Variants in ZNF599 observed in about 807,000 individuals in gnomAD.
The protein encoded by ZNF599 is zinc finger protein 599.
Under a neutral mutation model 11.7 loss-of-function variants are expected in ZNF599, and 10 were observed. The ratio of observed to expected loss-of-function variants is 0.86; its 90% CI spans 0.53 to 1.45. The LOEUF is 1.45. Ranked by LOEUF, ZNF599 falls within the 40% of genes most tolerant of loss-of-function variation. The pLI, the probability that ZNF599 is intolerant of heterozygous loss-of-function variation, is 0.00. For missense variants in ZNF599, 688 were observed against 713.6 expected, an observed-to-expected ratio of 0.96 and a Z score of 0.41; for synonymous variants, 232 against 253.2, an observed-to-expected ratio of 0.92 and a Z score of 0.79.
rs200977028 is a variant in ZNF599 at position 34,759,557 on chromosome 19, C to T, written c.1244G>A (p.Arg415Lys). 1.9e-6 allele frequency: 3 copies of T among 1,613,606 alleles called. No homozygotes were observed. Among genetic ancestry groups the T allele is most frequent in the Non-Finnish European group, 2.5e-6 (3 of 1,179,874 alleles). Residue 415 changes from arginine (R) to lysine (K), a missense_variant, in exon 4 of 4, where the codon AGG (arginine) becomes AAG (lysine). Coordinates refer to ENST00000329285, the MANE Select transcript of ZNF599 (RefSeq NM_001007248.3). ...THRSTFIRHK[R>K]THTGEKPFEC... Reference sequence around the variant, plus strand: ...AAAGGGCTTCTCTCCGGTATGGGTCCTCTTATGTCGGATGAAAGTGGAGCG... The same window carrying T: ...AAAGGGCTTCTCTCCGGTATGGGTCTTCTTATGTCGGATGAAAGTGGAGCG...
upstream of ZNF599, among the ~76,000 whole-genome samples, chr19:34,777,925 T>C (rs1464596561): frequency 4.6e-5 from 7 of 152,018 alleles, no homozygotes; most frequent in Admixed American, 1.3e-4. Flanking sequence ...TTAACGATAT[T>C]GTATACTTAA....
chr19:34,800,592 T>TTG, the ZNF599 span, among the ~76,000 whole-genome samples: 1 of 146,370 alleles, frequency 6.8e-6, no homozygotes, highest in South Asian at 2.2e-4. Flanking sequence ...CTTTGTTTTT[T>TTG]TTTTTTTTTT....
At chr19:34,788,824 G>C in the ZNF599 span, 3 of 152,124 alleles carry the variant, frequency 2.0e-5, no homozygotes, top group Non-Finnish European at 4.4e-5. Flanking sequence ...CTTTTTAAAA[G>C]TATTAACAGA....
At chr19:34,791,704 T>C in the ZNF599 span, 2 of 152,214 alleles carry the variant, frequency 1.3e-5, no homozygotes, top group Non-Finnish European at 2.9e-5. Context: ...AAGGACTGTA[T>C]GGATCCCAAG....
chr19:34,784,510 G>A, the ZNF599 span, among the ~76,000 whole-genome samples: 5 of 152,148 alleles, frequency 3.3e-5, no homozygotes, highest in Non-Finnish European at 7.3e-5. Flanking sequence ...GCCCAGTTCC[G>A]ATTTGAAGGC....
At chr19:34,780,196 T>C in the ZNF599 span, among the ~76,000 whole-genome samples, 2 of 152,236 alleles carry the variant, frequency 1.3e-5, no homozygotes, top group South Asian at 4.1e-4. Context: ...TCCAGCCAGG[T>C]GCAAAGTGTC....
chr19:34,796,147 T>G, the ZNF599 span, among the ~76,000 whole-genome samples: 1 of 152,140 alleles, frequency 6.6e-6, no homozygotes, highest in Non-Finnish European at 1.5e-5. Flanking sequence ...AACAATAGCT[T>G]TAAGTCTTCT....
rs575119206 is a variant in ZNF599 at position 34,772,786 on chromosome 19, G to A, written c.18+38C>T. 2.0e-4 allele frequency: 310 copies of A among 1,535,172 alleles called. 1 individual carries two copies. The East Asian group carries it at 6.0e-3, about 30-fold the overall frequency. On this transcript the variant is annotated intron_variant, in intron 1 of 3. Coordinates refer to ENST00000329285, the MANE Select transcript of ZNF599 (RefSeq NM_001007248.3). ...CAGCGGATGGGTGCATGCGGGCGGT[G>A]ACCCGAGCTCGCGCGGGCTGCGGAA...
chr19:34,771,947 A>G (rs1286389750), intron 1 of ZNF599, among the ~76,000 whole-genome samples: 1 of 152,216 alleles, frequency 6.6e-6, no homozygotes, highest in Non-Finnish European at 1.5e-5. Flanking sequence ...GAGACTTTAC[A>G]TGATGCAACC....
intron 3 of ZNF599, chr19:34,763,714 A>G (rs2069125603): frequency 6.6e-6 from 1 of 152,172 alleles, no homozygotes; most frequent in African/African-American, 2.4e-5. Context: ...CTTTTCTAAG[A>G]TTCACTTTCC....
chr19:34,799,219 T>C, the ZNF599 span, among the ~76,000 whole-genome samples: 1 of 152,134 alleles, frequency 6.6e-6, no homozygotes, highest in Non-Finnish European at 1.5e-5. Context: ...CCCAGGCTGG[T>C]CTGGAACTCC....
At chr19:34,781,587 T>A in the ZNF599 span, among the ~76,000 whole-genome samples, 1 of 152,230 alleles carries the variant, frequency 6.6e-6, no homozygotes, top group Non-Finnish European at 1.5e-5. Context: ...TGCGCAGTAG[T>A]AAGACTCTCA....
In ZNF599 at chr19:34,760,380, G is replaced by T; in HGVS notation, c.421C>A (p.Pro141Thr). 1.2e-6 allele frequency: 2 copies of T among 1,614,028 alleles called. No homozygotes were observed. Among genetic ancestry groups the T allele is most frequent in the Non-Finnish European group, 1.7e-6 (2 of 1,179,998 alleles). ...QEGNLRPGTN[P>T]HKEICPEKLS... ...TTCTCAGGGCATATCTCTTTGTGGGGGTTTGTTCCTGGCCTCAAGTTCCCT... is the reference window on the plus strand; with the variant it reads ...TTCTCAGGGCATATCTCTTTGTGGGTGTTTGTTCCTGGCCTCAAGTTCCCT... The change falls in exon 4 of 4, where the codon CCC becomes ACC. Residue 141 changes from proline to threonine, a missense_variant. By Grantham distance (38) the Pro-to-Thr change is conservative. Coordinates refer to ENST00000329285, the MANE Select transcript of ZNF599 (RefSeq NM_001007248.3).
At position 34,759,416 on chromosome 19, in the gene ZNF599, T is replaced by G; in HGVS notation, c.1385A>C (p.His462Pro). 1 of 1,614,134 alleles carries G rather than the reference T, an allele frequency of 6.2e-7. No individual in the cohort carries two copies. The highest frequency in any genetic ancestry group is 8.5e-7 in the Non-Finnish European group (1 of 1,179,974). Residue 462 changes from histidine (H) to proline (P), a missense_variant, in exon 4 of 4, where the codon CAC (histidine) becomes CCC (proline). By Grantham distance (77) the His-to-Pro change is moderately conservative. Transcript: ENST00000329285. ...ATTATGTCGAATAAAAACAGAGTGG[T>G]GTGTAAAAGCCTTTCCACATTCACT... ...ECSECGKAFTHHSVFIRHNRT... is the reference protein window; with the variant it reads ...ECSECGKAFTPHSVFIRHNRT...
At chr19:34,802,295 C>A in the ZNF599 span, among the ~76,000 whole-genome samples, 1 of 152,158 alleles carries the variant, frequency 6.6e-6, no homozygotes, top group African/African-American at 2.4e-5. Flanking sequence ...ATGGGAGAAG[C>A]CTCACCAGGC....
the ZNF599 span, among the ~76,000 whole-genome samples, chr19:34,779,095 C>G: frequency 6.6e-6 from 1 of 152,008 alleles, no homozygotes; most frequent in Non-Finnish European, 1.5e-5. Flanking sequence ...GGCACAACCA[C>G]TTACATTTTT....
At chr19:34,802,241 A>C in the ZNF599 span, among the ~76,000 whole-genome samples, 4 of 152,202 alleles carry the variant, frequency 2.6e-5, no homozygotes, top group Non-Finnish European at 5.9e-5. Flanking sequence ...GGTCAGACTG[A>C]GGAAGCAGCT....
the ZNF599 span, among the ~76,000 whole-genome samples, chr19:34,785,661 C>T: frequency 6.6e-6 from 1 of 152,142 alleles, no homozygotes. Context: ...CTTCCACTTA[C>T]CTGCACTGGA....
chr19:34,795,171 A>G, the ZNF599 span, among the ~76,000 whole-genome samples: 11 of 152,252 alleles, frequency 7.2e-5, no homozygotes, highest in Admixed American at 2.0e-4. Flanking sequence ...GGCCATAGTA[A>G]GAGTAAAAAC....
Sources: gnomAD v4.1 joint callset for allele counts (sites outside exome capture counted in the v4.1 genomes callset) on GRCh38, gnomAD v4.1.1 for gene constraint, MANE v1.5 for transcripts, NCBI Gene and HGNC (gene_info 2026-07-23, HGNC 2026-07-21) for gene names.